VWF: variants seen among roughly 807,000 people sequenced by gnomAD.
VWF encodes the protein von Willebrand factor.
VWF carries 176 observed loss-of-function variants against 308.6 expected under a neutral mutation model. That is an observed-to-expected ratio of 0.57 (90% CI 0.50 to 0.65). The LOEUF (loss-of-function observed/expected upper bound fraction) is 0.65, where lower values mean the gene tolerates loss of function less well. Ranked by LOEUF, VWF falls within the 30% of genes least tolerant of loss-of-function variation. The pLI is 0.00. For synonymous variants in VWF, 1,385 were observed against 1,443.4 expected (o/e 0.96, Z 0.92); for missense variants, 3,146 against 3,648.2 (o/e 0.86, Z 3.55).
At chr12:6,089,915 T>C (rs548763220) in intron 6 of VWF, among the ~76,000 whole-genome samples, 1 of 151,864 alleles carries the variant, frequency 6.6e-6, no homozygotes, top group Non-Finnish European at 1.5e-5. Context: ...CACAACTGTA[T>C]GTTTGGGAAA....
Position 6,075,589 on chromosome 12 carries a change from T to C in VWF, c.658-38A>G. 3 of 1,592,950 alleles carry C rather than the reference T, an allele frequency of 1.9e-6. No homozygotes were observed. Among genetic ancestry groups the C allele is most frequent in the Non-Finnish European group, 2.6e-6 (3 of 1,169,306 alleles). The stretch of plus-strand genomic sequence containing the variant: ...GGGCCGCCTCAGCGGTATGCTCCGT[T>C]AGTGTCTCCCTGAGTGTGGCACTGA... On this transcript the variant is annotated intron_variant, in intron 6 of 51. Coordinates refer to ENST00000261405, the MANE Select transcript of VWF (RefSeq NM_000552.5). The surrounding 1 kb of genome is among the most constrained non-coding windows in gnomAD (Gnocchi z 4.7).
intron 6 of VWF, among the ~76,000 whole-genome samples, chr12:6,083,642 G>A (rs1944938569): frequency 2.0e-5 from 3 of 152,236 alleles, no homozygotes; most frequent in Non-Finnish European, 2.9e-5. Flanking sequence ...GGGGAAAAGT[G>A]GAAGAGGTTG....
intron 34 of VWF, among the ~76,000 whole-genome samples, chr12:5,999,524 T>C (rs73051250): frequency 0.17 from 26,179 of 151,032 alleles, 2,678 homozygotes; most frequent in African/African-American, 0.28. Flanking sequence ...ATGACTTTTC[T>C]ATACTAATAG....
rs185019818 is a variant in VWF at position 6,001,219 on chromosome 12, C to T, written c.5843-4997G>A. Reference sequence around the variant, plus strand: ...GCATAAACCTTCCTAGACACCTTAACGTATCACCACATTTATAAATGAAAA... The same window carrying T: ...GCATAAACCTTCCTAGACACCTTAATGTATCACCACATTTATAAATGAAAA... On this transcript the variant is annotated intron_variant, in intron 34 of 51. Coordinates refer to ENST00000261405, the MANE Select transcript of VWF (RefSeq NM_000552.5). 1.6e-3 allele frequency among the ~76,000 whole-genome samples: 238 copies of T among 152,204 alleles called. 3 individuals are homozygous for T. The highest frequency in any genetic ancestry group is 6.8e-3 in the Middle Eastern group (2 of 294).
intron 21 of VWF, among the ~76,000 whole-genome samples, chr12:6,031,089 C>T (rs946603882): frequency 1.4e-5 from 2 of 147,384 alleles, no homozygotes; most frequent in African/African-American, 5.1e-5. Context: ...TATCCCATAA[C>T]ATCATCACTT....
chr12:5,976,030 C>A, intron 43 of VWF, 81 bp downstream of exon 43: 1 of 1,593,582 alleles, frequency 6.3e-7, no homozygotes, highest in African/African-American at 1.3e-5. Flanking sequence ...AAAAAAGAAC[C>A]TTTCTTACCC....
chr12:6,032,951 C>A (rs1944288227), intron 20 of VWF, among the ~76,000 whole-genome samples: 1 of 151,908 alleles, frequency 6.6e-6, no homozygotes, highest in Non-Finnish European at 1.5e-5. Flanking sequence ...CACACACATA[C>A]ACCCATGTAC....
At chr12:5,982,264 C>T (rs930492375) in intron 41 of VWF, among the ~76,000 whole-genome samples, 2 of 152,202 alleles carry the variant, frequency 1.3e-5, no homozygotes, top group Non-Finnish European at 2.9e-5. Context: ...CACTTTCCCA[C>T]ATACATCTGG....
intron 5 of VWF, among the ~76,000 whole-genome samples, chr12:6,107,910 G>A (rs560370371): frequency 1.5e-4 from 23 of 151,986 alleles, no homozygotes; most frequent in Non-Finnish European, 2.9e-4. Flanking sequence ...CGCCCACTTC[G>A]GCCTCCCAAA....
intron 47 of VWF, 131 bp downstream of exon 47, chr12:5,967,355 T>C (rs1943414744): frequency 1.2e-6 from 1 of 823,162 alleles, no homozygotes. Flanking sequence ...TCTTCTTTAT[T>C]ATTGTCAATT....
intron 14 of VWF, among the ~76,000 whole-genome samples, chr12:6,057,354 G>A (rs1481250337): frequency 7.1e-6 from 1 of 141,268 alleles, no homozygotes; most frequent in East Asian, 2.1e-4. Context: ...TTGCTCTGTC[G>A]CCCGGGCTGG....
At chr12:6,013,706 C>T in intron 31 of VWF, 61 bp from the exon 32 acceptor site, 1 of 1,591,454 alleles carries the variant, frequency 6.3e-7, no homozygotes, top group Non-Finnish European at 8.6e-7. Flanking sequence ...ATGGACTGGC[C>T]TGACGTTATA....
chr12:6,099,811 C>T (rs938214862), intron 5 of VWF, among the ~76,000 whole-genome samples: 1 of 152,124 alleles, frequency 6.6e-6, no homozygotes, highest in Non-Finnish European at 1.5e-5. Flanking sequence ...CTAGGCATTA[C>T]CATTCAGGAC....
chr12:6,118,966 T>G (rs979526237), intron 3 of VWF, among the ~76,000 whole-genome samples: 3 of 152,196 alleles, frequency 2.0e-5, no homozygotes, highest in African/African-American at 7.2e-5. Flanking sequence ...ACTTTCTTAT[T>G]TGTCATGCCC....
Position 6,047,387 on chromosome 12 carries a change from C to A in VWF, c.2187-570G>T, listed in dbSNP as rs565338929. ...GTATATTCAAAACTAAACTCATGAT[C>A]CCCCGACCAAAGCCAATTCTCCTCC... On this transcript the variant is annotated intron_variant, in intron 16 of 51. Transcript: ENST00000261405. Among the ~76,000 whole-genome samples, 3 of 152,274 alleles carry A rather than the reference C, an allele frequency of 2.0e-5. No homozygotes were observed. The South Asian group carries it at 6.2e-4, about 32-fold the overall frequency.
At position 5,993,924 on chromosome 12, in the gene VWF, G is replaced by A. The variant is rs61750620; in HGVS notation, c.6536C>T (p.Ser2179Phe). The change falls in exon 37 of 52, where the codon TCT (serine) becomes TTT (phenylalanine). Residue 2179 changes from serine (S) to phenylalanine (F), a missense_variant. Ser to Phe is a radical substitution (Grantham distance 155). Coordinates refer to ENST00000261405, the MANE Select transcript of VWF (RefSeq NM_000552.5). ...GTTGGTCCGACAGAGGTGGGCATAA[G>A]AGGCGATCACCTCACACACTTGCTC... ...HQEQVCEVIA[S>F]YAHLCRTNGV... The A allele has an allele frequency of 6.2e-7, 1 of 1,614,072 alleles. No homozygotes were observed. Among genetic ancestry groups the A allele is most frequent in the Non-Finnish European group, 8.5e-7 (1 of 1,180,020 alleles).
chr12:5,975,820 C>T (rs1409591254), intron 43 of VWF, among the ~76,000 whole-genome samples: 3 of 152,154 alleles, frequency 2.0e-5, no homozygotes, highest in Non-Finnish European at 4.4e-5. Context: ...AGAAGGATGA[C>T]GCAGAAATCC....
chr12:6,064,422 C>A, intron 11 of VWF, 38 bp from the exon 12 acceptor site: 2 of 1,612,328 alleles, frequency 1.2e-6, no homozygotes, highest in South Asian at 1.1e-5. Flanking sequence ...TGCTGCACCC[C>A]CTGCCTATCC....
At chr12:6,005,310 C>G (rs377438103) in intron 34 of VWF, among the ~76,000 whole-genome samples, 29 of 152,256 alleles carry the variant, frequency 1.9e-4, no homozygotes, top group South Asian at 1.2e-3. Context: ...AGCCCATGCA[C>G]ATATGAAAAT....
Sources: allele counts gnomAD v4.1 joint callset (sites outside exome capture counted in the v4.1 genomes callset), GRCh38; gene constraint gnomAD v4.1.1; non-coding constraint Gnocchi (gnomAD v3.1); transcripts MANE v1.5; gene names NCBI Gene and HGNC (gene_info 2026-07-23, HGNC 2026-07-21).